The following L2HGDH variants were observed in gnomAD, a reference collection of about 807,000 sequenced individuals.
The protein encoded by L2HGDH is L-2-hydroxyglutarate dehydrogenase, mitochondrial.
A neutral mutation model predicts 51.5 loss-of-function variants in L2HGDH; 34 were observed. The observed-to-expected ratio is 0.66, with a 90% CI of 0.50 to 0.88. The LOEUF is 0.88. Among genes scored for constraint, L2HGDH ranks in the 40% least tolerant of loss-of-function variants. The pLI, the probability that L2HGDH is intolerant of heterozygous loss-of-function variation, is 0.00. For synonymous variants in L2HGDH, 198 were observed against 197.9 expected (o/e 1.00, Z -0.01); for missense variants, 558 against 571.9 (o/e 0.98, Z 0.25).
chr14:50,277,686 T>C (rs943297107), intron 6 of L2HGDH, among the ~76,000 whole-genome samples: 2 of 151,572 alleles, frequency 1.3e-5, no homozygotes, highest in Non-Finnish European at 2.9e-5. Context: ...GGCAGGAGAA[T>C]GGTGTGCACC....
At chr14:50,304,474 A>G (rs2030610888) in intron 1 of L2HGDH, among the ~76,000 whole-genome samples, 2 of 152,236 alleles carry the variant, frequency 1.3e-5, no homozygotes, top group African/African-American at 4.8e-5. Context: ...CCTTGGGGCA[A>G]TAATTGGTCC....
At position 50,267,733 on chromosome 14, in the gene L2HGDH, T is replaced by G; in HGVS notation, c.1064+20A>C. 1 of 1,572,318 alleles carries G rather than the reference T, an allele frequency of 6.4e-7. No homozygotes were observed. Among genetic ancestry groups the G allele is most frequent in the South Asian group, 1.1e-5 (1 of 89,184 alleles). ...AAAATATAAGCACATAAAATCATTTTTAAAAATAAATAATGTTACCTATTG... is the reference window on the plus strand; with the variant it reads ...AAAATATAAGCACATAAAATCATTTGTAAAAATAAATAATGTTACCTATTG... On this transcript the variant is annotated intron_variant, in intron 8 of 9. Coordinates refer to ENST00000267436, the MANE Select transcript of L2HGDH (RefSeq NM_024884.3).
At chr14:50,298,822 G>A (rs896522706) in intron 3 of L2HGDH, among the ~76,000 whole-genome samples, 1 of 152,078 alleles carries the variant, frequency 6.6e-6, no homozygotes, top group Non-Finnish European at 1.5e-5. Flanking sequence ...CAAAACCTAT[G>A]GGAAACAGCG....
intron 4 of L2HGDH, among the ~76,000 whole-genome samples, chr14:50,290,100 C>T (rs1890790088): frequency 6.6e-6 from 1 of 151,942 alleles, no homozygotes; most frequent in Admixed American, 6.6e-5. Context: ...CCTGTCTCTA[C>T]TAAAAATACA....
chr14:50,280,789 C>T (rs2139151580), intron 5 of L2HGDH, among the ~76,000 whole-genome samples: 1 of 150,196 alleles, frequency 6.7e-6, no homozygotes, highest in East Asian at 2.0e-4. Flanking sequence ...GCTCGGATTA[C>T]AGGCGCGAGC....
At position 50,245,638 on chromosome 14, in the gene L2HGDH, A is replaced by C; in HGVS notation, c.*1420T>G. ...AATAATGTGAGTTTTGTGACTCTTC[A>C]AAATTAAAAGAATGTAACCTACAAT... On this transcript the variant is annotated 3_prime_UTR_variant, in exon 10 of 10. Coordinates refer to ENST00000267436, the MANE Select transcript of L2HGDH (RefSeq NM_024884.3). The C allele has an allele frequency of 2.0e-6, 2 of 981,394 alleles. No homozygotes were observed. The highest frequency in any genetic ancestry group is 2.4e-6 in the Non-Finnish European group (2 of 826,256). 60.8% of individuals were successfully genotyped at this position (981,394 alleles called of 1,614,324 possible).
Position 50,243,554 on chromosome 14 carries a change from T to G in L2HGDH, c.*3504A>C. The G allele has an allele frequency of 1.3e-6, 1 of 753,756 alleles. No individual in the cohort carries two copies. Among genetic ancestry groups the G allele is most frequent in the Non-Finnish European group, 1.6e-6 (1 of 619,200 alleles). The allele number at this position is 753,756 out of a possible 1,614,324, so 46.7% of individuals were successfully genotyped here. The stretch of plus-strand genomic sequence containing the variant: ...TACATAAAACTTTATTATATCAGTA[T>G]TAAACAAAAAAACCCTATTGACATA... On this transcript the variant is annotated 3_prime_UTR_variant, in exon 10 of 10. Transcript: ENST00000267436.
At chr14:50,265,525 G>A in intron 8 of L2HGDH, 36 bp from the exon 9 acceptor site, 1 of 1,571,138 alleles carries the variant, frequency 6.4e-7, no homozygotes, top group Non-Finnish European at 8.7e-7. Context: ...ATGAGAGAAA[G>A]GAATTCTTTA....
chr14:50,283,949 CT>C lies in L2HGDH; in HGVS notation c.624del (p.Ala209GlnfsTer6). ...AAATTGGTCAAGACAGAGCCACCTGCTTCTTGGAAATCCTGGGCAAATGACA... is the reference window on the plus strand; with the variant it reads ...AAATTGGTCAAGACAGAGCCACCTGCTCTTGGAAATCCTGGGCAAATGACA... ...VALSFAQDFQ[E>X]AGGSVLTNFE... is the part of the protein sequence containing the mutation. On this transcript the variant is annotated frameshift_variant, in exon 5 of 10. Transcript: ENST00000267436. LOFTEE classifies it high-confidence loss of function. 1 of 1,614,100 alleles carries C rather than the reference CT, an allele frequency of 6.2e-7. No homozygotes were observed. Among genetic ancestry groups the C allele is most frequent in the Non-Finnish European group, 8.5e-7 (1 of 1,179,986 alleles).
At chr14:50,273,238 C>T (rs529318753) in intron 6 of L2HGDH, among the ~76,000 whole-genome samples, 1 of 152,246 alleles carries the variant, frequency 6.6e-6, no homozygotes, top group Admixed American at 6.5e-5. Flanking sequence ...AAATCTTGGC[C>T]AAGGACAATT....
At chr14:50,303,769 C>T (rs2030560746) in intron 1 of L2HGDH, among the ~76,000 whole-genome samples, 1 of 134,236 alleles carries the variant, frequency 7.4e-6, no homozygotes, top group South Asian at 2.3e-4. Context: ...GAGACAGCGC[C>T]AGACCCTGTC....
chr14:50,311,474 TC>T, intron 1 of L2HGDH: 1 of 456,134 alleles, frequency 2.2e-6, no homozygotes, highest in South Asian at 1.5e-5. Flanking sequence ...GAATGTGACG[TC>T]CAAACTATAA....
intron 3 of L2HGDH, among the ~76,000 whole-genome samples, chr14:50,297,583 CAG>C (rs1261997780): frequency 6.6e-6 from 1 of 152,166 alleles, no homozygotes; most frequent in African/African-American, 2.4e-5. Context: ...CAGATATTTA[CAG>C]AGAGTTTCAT....
At chr14:50,275,733 A>G (rs1320597913) in intron 6 of L2HGDH, among the ~76,000 whole-genome samples, 1 of 152,204 alleles carries the variant, frequency 6.6e-6, no homozygotes, top group Non-Finnish European at 1.5e-5. Context: ...CATGTGCTCT[A>G]AATCAGTGAC....
intron 5 of L2HGDH, among the ~76,000 whole-genome samples, chr14:50,280,136 T>C (rs1184032904): frequency 1.3e-5 from 2 of 150,514 alleles, no homozygotes; most frequent in African/African-American, 4.9e-5. Context: ...CCCTGACACC[T>C]CTCTAAGACT....
At position 50,269,284 on chromosome 14, in the gene L2HGDH, T is replaced by C. The variant is rs1360914467; in HGVS notation, c.785A>G (p.Tyr262Cys). The C allele has an allele frequency of 6.2e-7, 1 of 1,614,026 alleles. No individual in the cohort carries two copies. Among genetic ancestry groups the C allele is most frequent in the Admixed American group, 1.7e-5 (1 of 59,998 alleles). ...ACTCAACTCTGAAATACGGTCTGAG[T>C]AAAGTCCTGCACATGTCACAACATA... ...CQYVVTCAGL[Y>C]SDRISELSGC... Residue 262 changes from tyrosine to cysteine, a missense_variant, in exon 7 of 10, where the codon TAC (tyrosine) becomes TGC (cysteine). Transcript: ENST00000267436.
chr14:50,296,192 C>A (rs1189785492), intron 3 of L2HGDH, among the ~76,000 whole-genome samples: 1 of 151,568 alleles, frequency 6.6e-6, no homozygotes, highest in Non-Finnish European at 1.5e-5. Context: ...GGCAACATAG[C>A]AAAACCTGTC....
intron 5 of L2HGDH, among the ~76,000 whole-genome samples, chr14:50,279,534 G>A (rs549292013): frequency 5.4e-4 from 82 of 152,150 alleles, no homozygotes; most frequent in African/African-American, 2.0e-3. Context: ...AGTAAGTATG[G>A]GTGATGCTAA....
Position 50,244,730 on chromosome 14 carries a change from A to G in L2HGDH, c.*2328T>C, listed in dbSNP as rs932100967. The G allele has an allele frequency of 8.1e-6, 8 of 985,322 alleles. No homozygotes were observed. In the African/African-American group the frequency reaches 1.4e-4, roughly 17 times the overall value. 61.0% of individuals were successfully genotyped at this position (985,322 alleles called of 1,614,324 possible). A position where few individuals can be genotyped will look rare whatever the true frequency, so the allele number is the denominator to read the frequency against. ...ATTAATGGATGAGGTAGCTCAATCA[A>G]TGTAATCATCAATGCTTGAAGTGAG... On this transcript the variant is annotated 3_prime_UTR_variant, in exon 10 of 10. Transcript: ENST00000267436.
Sources: gnomAD v4.1 joint callset for allele counts (sites outside exome capture counted in the v4.1 genomes callset) on GRCh38, gnomAD v4.1.1 for gene constraint, MANE v1.5 for transcripts, NCBI Gene and HGNC (gene_info 2026-07-23, HGNC 2026-07-21) for gene names.